The following SRGAP3 variants were observed in gnomAD, a reference collection of about 807,000 sequenced individuals.
SRGAP3 encodes SLIT-ROBO Rho GTPase activating protein 3, also known as SLIT-ROBO Rho GTPase-activating protein 3.
SRGAP3 carries 39 observed loss-of-function variants against 121.1 expected under a neutral mutation model. The ratio of observed to expected loss-of-function variants is 0.32; its 90% CI spans 0.25 to 0.42. The LOEUF (loss-of-function observed/expected upper bound fraction) is 0.42, where lower values mean the gene tolerates loss of function less well. SRGAP3 is among the 10% of genes least tolerant of loss of function. The pLI, the probability that SRGAP3 is intolerant of heterozygous loss-of-function variation, is 1.00. For synonymous variants in SRGAP3, 601 were observed against 570.0 expected (o/e 1.05, Z -0.77); for missense variants, 1,213 against 1,470.6 (o/e 0.82, Z 2.86).
At chr3:9,117,929 G>C (rs1454639873) in intron 2 of SRGAP3, among the ~76,000 whole-genome samples, 1 of 152,024 alleles carries the variant, frequency 6.6e-6, no homozygotes, top group African/African-American at 2.4e-5. Flanking sequence ...GTCCAGCCTG[G>C]ACAACATAGC....
chr3:9,139,906 A>C (rs1425807638), intron 1 of SRGAP3, among the ~76,000 whole-genome samples: 2 of 152,130 alleles, frequency 1.3e-5, no homozygotes, highest in African/African-American at 4.8e-5. Flanking sequence ...CAGCAGAGAG[A>C]AGGACAGGGG....
chr3:9,180,509 G>A (rs950512284), intron 1 of SRGAP3, among the ~76,000 whole-genome samples: 12 of 152,230 alleles, frequency 7.9e-5, no homozygotes, highest in African/African-American at 2.6e-4. Context: ...GGGGAGCAGG[G>A]CGGGGAGGAC....
intron 3 of SRGAP3, among the ~76,000 whole-genome samples, chr3:9,302,746 C>CG (rs1414506346): frequency 6.6e-6 from 1 of 152,110 alleles, no homozygotes; most frequent in Non-Finnish European, 1.5e-5. Flanking sequence ...GATCCTATCC[C>CG]GGGGGAAGAG....
At chr3:9,039,981 T>A (rs1328251160) in intron 10 of SRGAP3, among the ~76,000 whole-genome samples, 1 of 152,236 alleles carries the variant, frequency 6.6e-6, no homozygotes, top group African/African-American at 2.4e-5. Context: ...AATATCTCAA[T>A]AAGTGGATAT....
chr3:9,248,712 T>A (rs1174994995), intron 1 of SRGAP3, among the ~76,000 whole-genome samples, 173 bp downstream of exon 1: 3 of 152,110 alleles, frequency 2.0e-5, no homozygotes, highest in Non-Finnish European at 4.4e-5. Context: ...TATCTGCAGT[T>A]GAAACCAGTC....
chr3:9,143,418 T>C (rs1575138668), intron 1 of SRGAP3, among the ~76,000 whole-genome samples: 1 of 152,220 alleles, frequency 6.6e-6, no homozygotes, highest in East Asian at 1.9e-4. Flanking sequence ...CCCTTCGCTT[T>C]GACTCTCTTA....
Position 8,990,567 on chromosome 3 carries a change from G to A in SRGAP3, c.2831C>T (p.Thr944Ile), listed in dbSNP as rs987687067. ...GTGGTCCCCTAGGCTGCTGTGCCTGGTGGAACCGCAGGTCGACCTCATCGA... is the reference window on the plus strand; with the variant it reads ...GTGGTCCCCTAGGCTGCTGTGCCTGATGGAACCGCAGGTCGACCTCATCGA... The part of the protein sequence containing the change: ...GHSMRSTCGS[T>I]RHSSLGDHKS... Residue 944 changes from threonine to isoleucine, a missense_variant, in exon 21 of 22, where the codon ACC becomes ATC. Thr to Ile is a moderately conservative substitution (Grantham distance 89). Transcript: ENST00000383836. 8 of 1,585,784 alleles carry A rather than the reference G, an allele frequency of 5.0e-6. No individual in the cohort carries two copies. Among genetic ancestry groups the A allele is most frequent in the Non-Finnish European group, 6.0e-6 (7 of 1,166,336 alleles).
At chr3:9,156,716 T>C (rs957591410) in intron 1 of SRGAP3, among the ~76,000 whole-genome samples, 1 of 152,172 alleles carries the variant, frequency 6.6e-6, no homozygotes. Context: ...CACTAAAGCA[T>C]TGAGGCTTTG....
chr3:9,253,802 C>T (rs1426527217), upstream of SRGAP3, among the ~76,000 whole-genome samples: 1 of 152,190 alleles, frequency 6.6e-6, no homozygotes, highest in African/African-American at 2.4e-5. Flanking sequence ...TCTTTCATAT[C>T]ATTTGTCGTA....
chr3:9,341,565 G>T (rs1342243077), intron 1 of SRGAP3, among the ~76,000 whole-genome samples: 2 of 152,234 alleles, frequency 1.3e-5, no homozygotes, highest in Non-Finnish European at 2.9e-5. Flanking sequence ...CACAGGCTGT[G>T]CTGTGGTCCC....
upstream of SRGAP3, among the ~76,000 whole-genome samples, chr3:9,251,838 C>G (rs1207700539): frequency 6.6e-6 from 1 of 152,158 alleles, no homozygotes; most frequent in Non-Finnish European, 1.5e-5. Context: ...TCTGGCTCTG[C>G]TGTGCACCAG....
At chr3:9,339,486 T>G (rs1262836884) in intron 1 of SRGAP3, among the ~76,000 whole-genome samples, 3 of 152,206 alleles carry the variant, frequency 2.0e-5, no homozygotes, top group Non-Finnish European at 2.9e-5. Flanking sequence ...CAAACTCAAG[T>G]GCCTATGGTG....
chr3:9,110,900 G>C (rs1482435133), intron 2 of SRGAP3, among the ~76,000 whole-genome samples: 1 of 152,242 alleles, frequency 6.6e-6, no homozygotes, highest in Non-Finnish European at 1.5e-5. Context: ...GTAGAGAACA[G>C]AAAGCCACCT....
At chr3:9,268,222 G>C (rs1320372921) in intron 3 of SRGAP3, among the ~76,000 whole-genome samples, 1 of 152,056 alleles carries the variant, frequency 6.6e-6, no homozygotes, top group African/African-American at 2.4e-5. Flanking sequence ...GAGATAATTA[G>C]GGTTAGATGA....
At chr3:9,070,951 G>A (rs563192341) in intron 4 of SRGAP3, among the ~76,000 whole-genome samples, 2 of 152,180 alleles carry the variant, frequency 1.3e-5, no homozygotes, top group Admixed American at 6.5e-5. Flanking sequence ...AGGCACCATA[G>A]GAAGGCTTCC....
chr3:9,189,083 CCATT>C (rs1445212580), intron 1 of SRGAP3, among the ~76,000 whole-genome samples: 1 of 152,286 alleles, frequency 6.6e-6, no homozygotes, highest in East Asian at 1.9e-4. Context: ...TAGATTTCTG[CCATT>C]CAGAGGAGGA....
chr3:9,271,339 A>C (rs1954473775), intron 3 of SRGAP3, among the ~76,000 whole-genome samples: 1 of 152,200 alleles, frequency 6.6e-6, no homozygotes, highest in Admixed American at 6.5e-5. Flanking sequence ...GTCTCAAAAA[A>C]ATAAATAAAT....
chr3:8,997,468 T>C (rs1419311098), intron 18 of SRGAP3, among the ~76,000 whole-genome samples: 1 of 151,954 alleles, frequency 6.6e-6, no homozygotes, highest in East Asian at 1.9e-4. Flanking sequence ...GAAACTCCCC[T>C]GTTCAAAATC....
chr3:9,203,557 T>A (rs770625541), intron 1 of SRGAP3, among the ~76,000 whole-genome samples: 48 of 152,164 alleles, frequency 3.2e-4, no homozygotes, highest in Admixed American at 2.0e-3. Context: ...GATCGAGAAC[T>A]CTTCTGTGCT....
Sources: allele counts gnomAD v4.1 joint callset (sites outside exome capture counted in the v4.1 genomes callset), GRCh38; gene constraint gnomAD v4.1.1; transcripts MANE v1.5; gene names NCBI Gene and HGNC (gene_info 2026-07-23, HGNC 2026-07-21).